The following ATE1 variants were observed in gnomAD, a reference collection of about 807,000 sequenced individuals.
The protein encoded by ATE1 is arginyltransferase 1, also known as arginyl-tRNA--protein transferase 1.
ATE1 carries 36 observed loss-of-function variants against 70.5 expected under a neutral mutation model. The ratio of observed to expected loss-of-function variants is 0.51; its 90% confidence interval spans 0.39 to 0.67. ATE1 has a LOEUF of 0.67. ATE1 is among the 30% of genes least tolerant of loss of function. ATE1 has a pLI of 0.00. For synonymous variants in ATE1, 232 were observed against 219.3 expected (o/e 1.06, Z -0.51); for missense variants, 593 against 629.5 (o/e 0.94, Z 0.62).
intron 7 of ATE1, among the ~76,000 whole-genome samples, chr10:121,876,381 TTTC>T (rs1283378707): frequency 6.6e-6 from 1 of 152,218 alleles, no homozygotes; most frequent in Non-Finnish European, 1.5e-5. Context: ...TTCTCCCTAA[TTTC>T]TAACAGCAAC....
chr10:121,909,740 G>A (rs12253283), intron 5 of ATE1, among the ~76,000 whole-genome samples: 20,139 of 152,170 alleles, frequency 0.13, 1,532 homozygotes, highest in East Asian at 0.19. Context: ...GAAACTGTCT[G>A]AATTATTCAA....
chr10:121,884,963 TA>T (rs1384760239), intron 7 of ATE1, among the ~76,000 whole-genome samples: 1 of 152,090 alleles, frequency 6.6e-6, no homozygotes, highest in African/African-American at 2.4e-5. Flanking sequence ...AGCCTGGCTT[TA>T]AAAAATGTGC....
intron 7 of ATE1, among the ~76,000 whole-genome samples, chr10:121,887,096 C>G (rs1051288383): frequency 6.6e-6 from 1 of 152,054 alleles, no homozygotes; most frequent in African/African-American, 2.4e-5. Context: ...GAAAAAGAAG[C>G]CTTTATTCAT....
chr10:121,911,171 A>G lies in ATE1; in HGVS notation c.338-20T>C. On this transcript the variant is annotated intron_variant, in intron 4 of 11. Transcript: ENST00000224652. ...GCTCATCTACAAATCAGAAGAAATT[A>G]AAAATCCATCAGCTGGGTTATTTGA... 3 of 1,598,670 alleles carry G rather than the reference A, an allele frequency of 1.9e-6. No individual in the cohort carries two copies. The highest frequency in any genetic ancestry group is 1.7e-6 in the Non-Finnish European group (2 of 1,177,062).
intron 3 of ATE1, among the ~76,000 whole-genome samples, chr10:121,917,780 T>C (rs1007964854): frequency 4.6e-5 from 7 of 152,134 alleles, no homozygotes; most frequent in African/African-American, 1.4e-4. Context: ...GGTTGGGGGA[T>C]TGCTTTTTCC....
At chr10:121,817,722 G>A in intron 10 of ATE1, among the ~76,000 whole-genome samples, 1 of 152,026 alleles carries the variant, frequency 6.6e-6, no homozygotes. Context: ...AATCTTGTAA[G>A]ATGAAAAGGA....
At chr10:121,876,834 C>T (rs928234913) in intron 7 of ATE1, among the ~76,000 whole-genome samples, 14 of 151,988 alleles carry the variant, frequency 9.2e-5, no homozygotes, top group African/African-American at 2.7e-4. Flanking sequence ...GGCGTGGTGG[C>T]GGGCGCCTGT....
At chr10:121,797,309 G>A (rs977626175) in intron 10 of ATE1, among the ~76,000 whole-genome samples, 4 of 152,142 alleles carry the variant, frequency 2.6e-5, no homozygotes, top group Admixed American at 1.3e-4. Flanking sequence ...AAGCCCTAGT[G>A]ATCCATTTTT....
At chr10:121,926,839 T>C in intron 1 of ATE1, 1 of 985,428 alleles carries the variant, frequency 1.0e-6, no homozygotes, top group Non-Finnish European at 1.2e-6. Flanking sequence ...AAGTCCAAAC[T>C]GGAAGCATTT....
At chr10:121,875,354 G>GC (rs1950017467) in intron 7 of ATE1, among the ~76,000 whole-genome samples, 1 of 137,846 alleles carries the variant, frequency 7.3e-6, no homozygotes, top group African/African-American at 2.7e-5. Context: ...CCCCAGGCTG[G>GC]AGTGCAATGG....
intron 2 of ATE1, among the ~76,000 whole-genome samples, chr10:121,923,038 G>A (rs1273314939): frequency 6.6e-6 from 1 of 152,032 alleles, no homozygotes; most frequent in African/African-American, 2.4e-5. Context: ...CGCACATCTG[G>A]ATAGCGCAAT....
In ATE1 at chr10:121,922,277, A is replaced by G; in HGVS notation, c.233+72T>C. The G allele has an allele frequency of 3.7e-6, 4 of 1,075,720 alleles. No homozygotes were observed. The South Asian group carries it at 4.2e-5, about 11-fold the overall frequency. The allele number at this position is 1,075,720 out of a possible 1,614,324, so 66.6% of individuals were successfully genotyped here. Reference sequence around the variant, plus strand: ...GAGCGGAAATAAACATTAAAAAAGCACAAGAGACTACTAAAATATTATACA... The same window carrying G: ...GAGCGGAAATAAACATTAAAAAAGCGCAAGAGACTACTAAAATATTATACA... On this transcript the variant is annotated intron_variant, in intron 3 of 11. Coordinates refer to ENST00000224652, the MANE Select transcript of ATE1 (RefSeq NM_001001976.3).
In ATE1 at chr10:121,829,153, G is replaced by A. The variant is rs531241117; in HGVS notation, c.1257+7565C>T. Among the ~76,000 whole-genome samples, 13 of 152,218 alleles carry A rather than the reference G, an allele frequency of 8.5e-5. 1 individual carries two copies. Among genetic ancestry groups the A allele is most frequent in the African/African-American group, 3.1e-4 (13 of 41,552 alleles). On this transcript the variant is annotated intron_variant, in intron 10 of 11. Coordinates refer to ENST00000224652, the MANE Select transcript of ATE1 (RefSeq NM_001001976.3). ...AAAAATATTGCTCCTGGCCAGGCAT[G>A]GTGGCTCACACCTGTAATCCCAGCA...
intron 9 of ATE1, among the ~76,000 whole-genome samples, chr10:121,838,517 A>G (rs766196324): frequency 6.6e-6 from 1 of 152,128 alleles, no homozygotes; most frequent in Non-Finnish European, 1.5e-5. Flanking sequence ...AGATTTTTAC[A>G]TGACTGATTC....
upstream of ATE1, chr10:121,928,151 T>A: frequency 7.8e-7 from 1 of 1,275,388 alleles, no homozygotes; most frequent in Non-Finnish European, 9.9e-7. Flanking sequence ...CTTTCCACTA[T>A]TTCCGTTCCT....
intron 10 of ATE1, among the ~76,000 whole-genome samples, chr10:121,812,100 C>A (rs1947346344): frequency 1.3e-5 from 2 of 151,878 alleles, no homozygotes; most frequent in African/African-American, 4.8e-5. Flanking sequence ...GGACTACAGG[C>A]ATGAGACACC....
chr10:121,781,964 TA>T (rs1366442449), intron 11 of ATE1, among the ~76,000 whole-genome samples: 1 of 152,152 alleles, frequency 6.6e-6, no homozygotes, highest in Non-Finnish European at 1.5e-5. Flanking sequence ...TAGCATGACA[TA>T]AAAGAACACT....
intron 10 of ATE1, among the ~76,000 whole-genome samples, chr10:121,804,675 T>C (rs1947023959): frequency 6.6e-6 from 1 of 151,984 alleles, no homozygotes; most frequent in Non-Finnish European, 1.5e-5. Flanking sequence ...CTTCTGGTGA[T>C]GAGTGTCTGA....
intron 8 of ATE1, among the ~76,000 whole-genome samples, chr10:121,849,372 T>G (rs1447774745): frequency 6.6e-6 from 1 of 152,192 alleles, no homozygotes; most frequent in Non-Finnish European, 1.5e-5. Flanking sequence ...TTTCATCATG[T>G]TTCTCATCCC....
Sources: gnomAD v4.1 joint callset for allele counts (sites outside exome capture counted in the v4.1 genomes callset) on GRCh38, gnomAD v4.1.1 for gene constraint, MANE v1.5 for transcripts, NCBI Gene and HGNC (gene_info 2026-07-23, HGNC 2026-07-21) for gene names.